The following MRGPRX3 variants were observed in gnomAD, a reference collection of about 807,000 sequenced individuals.
MRGPRX3 encodes MAS related GPR family member X3, also known as mas-related G protein-coupled receptor member X3.
MRGPRX3 carries 14 observed loss-of-function variants against 16.5 expected under a neutral mutation model. The ratio of observed to expected loss-of-function variants is 0.85; its 90% confidence interval spans 0.56 to 1.33. MRGPRX3 has a LOEUF of 1.33. Ranked by LOEUF, MRGPRX3 falls within the 40% of genes most tolerant of loss-of-function variation. MRGPRX3 has a pLI of 0.00. For missense variants in MRGPRX3, 449 were observed against 413.0 expected (o/e 1.09, Z -0.76); for synonymous variants, 199 against 180.1 (o/e 1.10, Z -0.84).
At position 18,137,428 on chromosome 11, in the gene MRGPRX3, C is replaced by T; in HGVS notation, c.226C>T (p.Leu76Phe). 2 of 1,614,202 alleles carry T rather than the reference C, an allele frequency of 1.2e-6. No individual in the cohort carries two copies. The highest frequency in any genetic ancestry group is 1.7e-6 in the Non-Finnish European group (2 of 1,180,038). Residue 76 changes from leucine to phenylalanine, a missense_variant, in exon 2 of 2, where the codon CTT (leucine) becomes TTT (phenylalanine). By Grantham distance (22) the Leu-to-Phe change is conservative (BLOSUM62 0). Coordinates refer to ENST00000621697, the MANE Select transcript of MRGPRX3 (RefSeq NM_001370464.1). ...CCTGGTCGCGGCCGACTTCCTCTTC[C>T]TTAGCGGCCACATTATATGTTCGCC... is the stretch of plus-strand genomic sequence containing the variant. ...LNLVAADFLF[L>F]SGHIICSPLR...
At chr11:18,130,973 C>T (rs1226965397), upstream of MRGPRX3, among the ~76,000 whole-genome samples, 2 of 152,126 alleles carry the variant, frequency 1.3e-5, no homozygotes, top group Non-Finnish European at 2.9e-5. Context: ...AGATTATTGG[C>T]AAGCCACATG....
intron 1 of MRGPRX3, among the ~76,000 whole-genome samples, chr11:18,126,416 G>A (rs1016052873): frequency 2.0e-5 from 3 of 152,090 alleles, no homozygotes; most frequent in Admixed American, 2.0e-4. Flanking sequence ...GCATTTGCTT[G>A]TCTGTAAAGG....
chr11:18,133,299 T>C (rs10766457), intron 1 of MRGPRX3, among the ~76,000 whole-genome samples: 75,813 of 151,580 alleles, frequency 0.5, 22,558 homozygotes, highest in East Asian at 0.82. Flanking sequence ...CCATTGTCAC[T>C]ATAGCCATAG....
rs2468839 is a variant in MRGPRX3 at position 18,137,622 on chromosome 11, A to G, written c.420A>G (p.Ser140=). Residue 140 remains serine, a synonymous_variant, in exon 2 of 2, where the codon TCA becomes TCG. Coordinates refer to ENST00000621697, the MANE Select transcript of MRGPRX3 (RefSeq NM_001370464.1). ...GCCGCCGCCCCAGATACCTGTCATCAGTCATGTGTGTCCTGCTCTGGGCCC... is the reference window on the plus strand; with the variant it reads ...GCCGCCGCCCCAGATACCTGTCATCGGTCATGTGTGTCCTGCTCTGGGCCC... ...YHCRRPRYLS[S]VMCVLLWALS... is the part of the protein sequence containing the mutation. 1,601,330 of 1,614,134 alleles carry G rather than the reference A, an allele frequency of 0.99. 795,096 individuals carry two copies. Among genetic ancestry groups the G allele is most frequent in the South Asian group, 1 (91,048 of 91,078 alleles).
At chr11:18,128,479 G>A (rs550849849), upstream of MRGPRX3, among the ~76,000 whole-genome samples, 4 of 152,284 alleles carry the variant, frequency 2.6e-5, no homozygotes, top group South Asian at 4.1e-4. Flanking sequence ...CAGCAATGGC[G>A]GGCACCCCTC....
Position 18,137,564 on chromosome 11 carries a change from G to C in MRGPRX3, c.362G>C (p.Cys121Ser), listed in dbSNP as rs1849023104. 3.1e-6 allele frequency: 5 copies of C among 1,614,132 alleles called. No individual in the cohort carries two copies. The highest frequency in any genetic ancestry group is 3.4e-6 in the Non-Finnish European group (4 of 1,180,036). The change falls in exon 2 of 2, where the codon TGC (cysteine) becomes TCC (serine). Residue 121 changes from cysteine to serine, a missense_variant. By Grantham distance (112) the Cys-to-Ser change is moderately radical (BLOSUM62 -1). Transcript: ENST00000621697. ...SMLSAISTER[C>S]LSILWPIWYH... ...CTGAGCGCCATCAGCACCGAGCGCT[G>C]CCTGTCCATCCTGTGGCCCATCTGG...
At chr11:18,123,823 T>A (rs1848864092) in intron 1 of MRGPRX3, among the ~76,000 whole-genome samples, 1 of 152,374 alleles carries the variant, frequency 6.6e-6, no homozygotes, top group Middle Eastern at 3.4e-3. Context: ...CCCATGAGCA[T>A]GGAATGTTCT....
chr11:18,133,786 T>C (rs1220809563), intron 1 of MRGPRX3, among the ~76,000 whole-genome samples: 2 of 152,182 alleles, frequency 1.3e-5, no homozygotes, highest in Non-Finnish European at 2.9e-5. Context: ...TTTTAGCAAT[T>C]TGAGAATGAA....
intron 1 of MRGPRX3, among the ~76,000 whole-genome samples, 172 bp from the exon 2 acceptor site, chr11:18,137,006 A>G (rs1849012825): frequency 6.6e-6 from 1 of 152,186 alleles, no homozygotes; most frequent in Non-Finnish European, 1.5e-5. Flanking sequence ...AGAGTCAACA[A>G]GAACTGGATT....
At chr11:18,127,261 T>C (rs1321075379) in intron 1 of MRGPRX3, among the ~76,000 whole-genome samples, 1 of 152,226 alleles carries the variant, frequency 6.6e-6, no homozygotes, top group Non-Finnish European at 1.5e-5. Flanking sequence ...GGAGTTGCTC[T>C]TCTCGAGGAG....
intron 1 of MRGPRX3, among the ~76,000 whole-genome samples, chr11:18,123,820 G>A (rs1848864028): frequency 6.6e-6 from 1 of 152,214 alleles, no homozygotes; most frequent in Non-Finnish European, 1.5e-5. Context: ...CTACCCATGA[G>A]CATGGAATGT....
rs947771159 is a variant in MRGPRX3 at position 18,138,194 on chromosome 11, A to T, written c.*23A>T. 3 of 1,578,180 alleles carry T rather than the reference A, an allele frequency of 1.9e-6. No individual in the cohort carries two copies. Among genetic ancestry groups the T allele is most frequent in the Non-Finnish European group, 2.6e-6 (3 of 1,163,470 alleles). On this transcript the variant is annotated 3_prime_UTR_variant, in exon 2 of 2. Transcript: ENST00000621697. ...TGAGGAAGAACCTCTGCCCTGTCAG[A>T]CAGGACTTTGAGAGCAATGCTGCCC...
At chr11:18,122,399 CA>C (rs1848849270) in intron 1 of MRGPRX3, among the ~76,000 whole-genome samples, 1 of 152,188 alleles carries the variant, frequency 6.6e-6, no homozygotes. Context: ...CAAGTGTTCT[CA>C]TTGTTCAATT....
upstream of MRGPRX3, among the ~76,000 whole-genome samples, chr11:18,131,915 G>C (rs1057478790): frequency 2.6e-5 from 4 of 152,056 alleles, no homozygotes; most frequent in Admixed American, 1.3e-4. Context: ...GGGAAGGATG[G>C]AAGAGAGGCG....
chr11:18,136,644 A>G (rs1020554123), intron 1 of MRGPRX3, among the ~76,000 whole-genome samples: 4 of 152,226 alleles, frequency 2.6e-5, no homozygotes, highest in Non-Finnish European at 4.4e-5. Context: ...TGGAATAGGC[A>G]CTAGGAGTAT....
At chr11:18,131,767 T>C (rs539234776), upstream of MRGPRX3, among the ~76,000 whole-genome samples, 14 of 152,056 alleles carry the variant, frequency 9.2e-5, 1 homozygote, top group African/African-American at 3.4e-4. Flanking sequence ...GCAATCTAGA[T>C]GGAATTGGAG....
chr11:18,122,590 T>A (rs978705107), intron 1 of MRGPRX3, among the ~76,000 whole-genome samples: 1 of 152,254 alleles, frequency 6.6e-6, no homozygotes, highest in Non-Finnish European at 1.5e-5. Flanking sequence ...CTATCATTTT[T>A]GGATCTTTGG....
upstream of MRGPRX3, among the ~76,000 whole-genome samples, chr11:18,128,645 G>C (rs927269444): frequency 2.0e-5 from 3 of 152,204 alleles, no homozygotes; most frequent in African/African-American, 4.8e-5. Flanking sequence ...TATTAGGATG[G>C]GAGTGACCCG....
intron 1 of MRGPRX3, among the ~76,000 whole-genome samples, chr11:18,133,578 G>C (rs12287904): frequency 0.051 from 7,769 of 152,138 alleles, 663 homozygotes; most frequent in African/African-American, 0.18. Context: ...GTTTAAAAGC[G>C]TGTAGCACCT....
Sources: allele counts gnomAD v4.1 joint callset (sites outside exome capture counted in the v4.1 genomes callset), GRCh38; gene constraint gnomAD v4.1.1; transcripts MANE v1.5; gene names NCBI Gene and HGNC (gene_info 2026-07-23, HGNC 2026-07-21).